The following PPEF1 variants were observed in gnomAD, a reference collection of about 807,000 sequenced individuals.
The protein encoded by PPEF1 is serine/threonine-protein phosphatase with EF-hands 1.
In PPEF1, 12 loss-of-function variants were observed where a neutral mutation model predicts 53.3. The observed-to-expected ratio is 0.23, with a 90% CI of 0.14 to 0.36. The LOEUF is 0.36. Ranked by LOEUF, PPEF1 falls within the 10% of genes least tolerant of loss-of-function variation. PPEF1 has a pLI of 1.00. For missense variants in PPEF1, 334 were observed against 490.4 expected (o/e 0.68, Z 3.01); for synonymous variants, 165 against 176.7 (o/e 0.93, Z 0.52).
chrX:18,744,669 G>A (rs1434150673), intron 3 of PPEF1, among the ~76,000 whole-genome samples: 3 of 111,334 alleles, frequency 2.7e-5, no homozygotes, highest in Non-Finnish European at 5.7e-5. Context: ...TGTTGCTATG[G>A]TGAATAGAAC....
At chrX:18,800,445 C>T (rs2046526362) in intron 10 of PPEF1, among the ~76,000 whole-genome samples, 3 of 110,428 alleles carry the variant, frequency 2.7e-5, no homozygotes, top group Non-Finnish European at 3.8e-5. Context: ...GTGGACTCAA[C>T]CAATAACAGA....
intron 5 of PPEF1, among the ~76,000 whole-genome samples, chrX:18,760,870 C>T (rs1351931446): frequency 9.2e-6 from 1 of 108,163 alleles, no homozygotes; most frequent in Non-Finnish European, 1.9e-5. Context: ...ACCTCCACCT[C>T]CCGGGTTCAA....
intron 12 of PPEF1, among the ~76,000 whole-genome samples, chrX:18,817,067 C>CGTGT (rs1391352242): frequency 0.012 from 577 of 49,140 alleles, 5 homozygotes; most frequent in African/African-American, 0.03. Flanking sequence ...ATCATTTTGC[C>CGTGT]ATGTGTGTGT....
intron 3 of PPEF1, among the ~76,000 whole-genome samples, chrX:18,738,477 T>C (rs911631395): frequency 2.7e-5 from 3 of 111,909 alleles, no homozygotes; most frequent in Non-Finnish European, 5.6e-5. Flanking sequence ...GCTTGTAGAG[T>C]TTCTGCCGAG....
At chrX:18,677,007 G>A (rs1030517308) in intron 1 of PPEF1, among the ~76,000 whole-genome samples, 2 of 107,212 alleles carry the variant, frequency 1.9e-5, no homozygotes, top group Non-Finnish European at 3.8e-5. Flanking sequence ...TGTTCTCCCC[G>A]CCGCCCCTCG....
intron 7 of PPEF1, among the ~76,000 whole-genome samples, chrX:18,779,753 C>A (rs763337706): frequency 8.9e-6 from 1 of 112,301 alleles, no homozygotes; most frequent in Non-Finnish European, 1.9e-5. Context: ...CAGTAGGTGA[C>A]AAATGTTCCC....
intron 1 of PPEF1, among the ~76,000 whole-genome samples, chrX:18,722,741 C>G (rs2044615551): frequency 9.0e-6 from 1 of 111,423 alleles, no homozygotes; most frequent in South Asian, 3.8e-4. Context: ...TGGAAAGACA[C>G]AGACAATGAC....
At chrX:18,783,271 G>C (rs2046127820) in intron 8 of PPEF1, among the ~76,000 whole-genome samples, 1 of 109,781 alleles carries the variant, frequency 9.1e-6, no homozygotes, top group Admixed American at 9.8e-5. Context: ...GAGTGTGAGA[G>C]CTCCATAAAG....
At chrX:18,803,836 T>C (rs1006571175) in intron 10 of PPEF1, 56 bp from the exon 11 acceptor site, 39 of 1,020,938 alleles carry the variant, frequency 3.8e-5, no homozygotes, top group Non-Finnish European at 4.9e-5. Context: ...AGTTGGAATC[T>C]AGAAAGATAT....
At chrX:18,750,253 C>T (rs2045416823) in intron 4 of PPEF1, among the ~76,000 whole-genome samples, 1 of 111,536 alleles carries the variant, frequency 9.0e-6, no homozygotes, top group Non-Finnish European at 1.9e-5. Flanking sequence ...GATTGTGCAA[C>T]CATCACCAAT....
At chrX:18,680,431 T>C (rs921302613), upstream of PPEF1, among the ~76,000 whole-genome samples, 15 of 89,698 alleles carry the variant, frequency 1.7e-4, no homozygotes, top group African/African-American at 3.9e-4. Flanking sequence ...TTTCTTCTCT[T>C]TTTTTTTTTT....
At chrX:18,762,126 T>G (rs906038361) in intron 6 of PPEF1, among the ~76,000 whole-genome samples, 12 of 111,868 alleles carry the variant, frequency 1.1e-4, no homozygotes, top group African/African-American at 3.9e-4. Context: ...GGCACAAGAC[T>G]GCTTGGCCAG....
At chrX:18,690,335 G>A (rs755311066) in intron 3 of PPEF1, among the ~76,000 whole-genome samples, 9 of 106,823 alleles carry the variant, frequency 8.4e-5, no homozygotes, top group Admixed American at 2.0e-4. Context: ...TGAAAAGAAA[G>A]CCCTGGATAT....
chrX:18,809,751 C>T (rs1602479115), intron 12 of PPEF1, among the ~76,000 whole-genome samples: 2 of 110,132 alleles, frequency 1.8e-5, no homozygotes, highest in Admixed American at 9.8e-5. Flanking sequence ...ATACAGAGGG[C>T]TGATTGTACA....
rs138957571 is a variant in PPEF1, at chrX:18,695,072, G to A, written c.-312-2773G>A. On this transcript the variant is annotated intron_variant, in intron 4 of 21. Coordinates refer to the PPEF1 transcript ENST00000361511. Reference sequence around the variant, plus strand: ...TGGGCCCTCTACGTCAGCATCTGTCGTGAGCTGCTGCACACAATGTGTTGA... The same window carrying A: ...TGGGCCCTCTACGTCAGCATCTGTCATGAGCTGCTGCACACAATGTGTTGA... Among the ~76,000 whole-genome samples the A allele has an allele frequency of 6.2e-3, 693 of 112,165 alleles. 6 individuals carry two copies. Among genetic ancestry groups the A allele is most frequent in the Middle Eastern group, 0.027 (6 of 219 alleles).
chrX:18,743,331 A>G (rs550964093), intron 3 of PPEF1, among the ~76,000 whole-genome samples: 4 of 109,727 alleles, frequency 3.6e-5, no homozygotes, highest in Non-Finnish European at 7.6e-5. Flanking sequence ...TAGTACATTC[A>G]TTTCATTTTA....
intron 3 of PPEF1, among the ~76,000 whole-genome samples, chrX:18,736,139 G>A (rs1425400655): frequency 9.9e-5 from 11 of 111,328 alleles, no homozygotes; most frequent in East Asian, 2.8e-4. Flanking sequence ...CTGCCTGATT[G>A]CCCTGGCCAG....
Position 18,677,084 on chromosome X carries a change from G to A in PPEF1, c.-587+954G>A, listed in dbSNP as rs181727314. 1.1e-4 allele frequency among the ~76,000 whole-genome samples: 12 copies of A among 104,537 alleles called. No individual in the cohort carries two copies. In the East Asian group the frequency reaches 3.3e-3, roughly 29 times the overall value. 90.8% of individuals were successfully genotyped at this position (104,537 alleles called of 115,157 possible). Reference sequence around the variant, plus strand: ...GACGGAGTCTCGCTCTGTTGCCCAGGCCGGAGTGCAGTGGCACGATCTCAG... The same window carrying A: ...GACGGAGTCTCGCTCTGTTGCCCAGACCGGAGTGCAGTGGCACGATCTCAG... On this transcript the variant is annotated intron_variant, in intron 1 of 20. Coordinates refer to the PPEF1 transcript ENST00000689646.
intron 1 of PPEF1, among the ~76,000 whole-genome samples, chrX:18,676,870 C>G (rs993573381): frequency 9.0e-6 from 1 of 111,093 alleles, no homozygotes; most frequent in Admixed American, 9.6e-5. Context: ...GCTGGTGTCC[C>G]TCTGTTGCAT....
Sources: gnomAD v4.1 joint callset for allele counts (sites outside exome capture counted in the v4.1 genomes callset) on GRCh38, gnomAD v4.1.1 for gene constraint, MANE v1.5 for transcripts, NCBI Gene and HGNC (gene_info 2026-07-23, HGNC 2026-07-21) for gene names.